ANK2: variants seen among roughly 807,000 people sequenced by gnomAD.
ANK2 encodes ankyrin-2.
ANK2 carries 83 observed loss-of-function variants against 360.5 expected under a neutral mutation model. The observed-to-expected ratio is 0.23, with a 90% CI of 0.19 to 0.28. The LOEUF is 0.28. ANK2 is among the 10% of genes least tolerant of loss of function. The pLI is 1.00. For synonymous variants in ANK2, 1,740 were observed against 1,759.5 expected (o/e 0.99, Z 0.28); for missense variants, 4,201 against 4,795.7 (o/e 0.88, Z 3.66).
chr4:113,356,258 G>T lies in ANK2; in HGVS notation c.7640G>T (p.Ser2547Ile). ...SPDTPSSEEV[S>I]YEVTPKTTDV... ...GACACCCCCAGCTCTGAAGAAGTCA[G>T]CTATGAGGTTACACCCAAAACCACA... The change falls in exon 38 of 46, where the codon AGC becomes ATC. Residue 2547 changes from serine to isoleucine, a missense_variant. Around this residue, in one of 4 missense-constraint regions of ANK2, gnomAD observed 2,642 missense variants for 2,714.5 expected, o/e 0.97. Coordinates refer to ENST00000357077, the MANE Select transcript of ANK2 (RefSeq NM_001148.6). The T allele has an allele frequency of 6.2e-7, 1 of 1,614,064 alleles. No individual in the cohort carries two copies. Among genetic ancestry groups the T allele is most frequent in the Non-Finnish European group, 8.5e-7 (1 of 1,179,978 alleles).
At chr4:113,049,627 T>C, upstream of ANK2, 18 of 796,496 alleles carry the variant, frequency 2.3e-5, no homozygotes, top group Non-Finnish European at 3.2e-5. Flanking sequence ...TCCCCACCCC[T>C]CCTCCTCCTC....
the ANK2 span, among the ~76,000 whole-genome samples, chr4:112,794,658 T>A: frequency 6.6e-6 from 1 of 152,338 alleles, no homozygotes; most frequent in East Asian, 1.9e-4. Flanking sequence ...AGGTACTGAA[T>A]GCAGAGATAA....
At chr4:112,817,787 T>C (rs2055807329), upstream of ANK2, among the ~76,000 whole-genome samples, 1 of 152,174 alleles carries the variant, frequency 6.6e-6, no homozygotes, top group South Asian at 2.1e-4. Context: ...ATTCCTCAGC[T>C]TCTCTGAACT....
intron 25 of ANK2, 115 bp downstream of exon 25, chr4:113,317,924 T>C: frequency 1.2e-6 from 1 of 867,700 alleles, no homozygotes; most frequent in Non-Finnish European, 1.9e-6. Flanking sequence ...CCCAATTCAG[T>C]TGAGAAGCTA....
At chr4:112,851,110 G>T (rs1302559891) in intron 1 of ANK2, among the ~76,000 whole-genome samples, 2 of 152,104 alleles carry the variant, frequency 1.3e-5, no homozygotes, top group African/African-American at 4.8e-5. Flanking sequence ...AGACCAAAAT[G>T]CTGTCTTCAT....
At chr4:112,848,500 G>A (rs2063861845) in intron 1 of ANK2, among the ~76,000 whole-genome samples, 1 of 152,250 alleles carries the variant, frequency 6.6e-6, no homozygotes, top group South Asian at 2.1e-4. Flanking sequence ...ATAAAGTACC[G>A]AGGCCATAGT....
intron 45 of ANK2, among the ~76,000 whole-genome samples, chr4:113,378,545 T>C (rs1265193033): frequency 2.6e-5 from 4 of 152,222 alleles, no homozygotes; most frequent in Non-Finnish European, 5.9e-5. Flanking sequence ...CAGATTAATT[T>C]TGTGACCAGC....
the ANK2 span, among the ~76,000 whole-genome samples, chr4:112,783,798 C>T: frequency 7.2e-5 from 11 of 151,962 alleles, no homozygotes; most frequent in South Asian, 1.7e-3. Flanking sequence ...TACAGACACC[C>T]GCCACCACGT....
intron 1 of ANK2, among the ~76,000 whole-genome samples, chr4:112,836,386 G>C (rs7665345): frequency 0.58 from 88,741 of 152,008 alleles, 26,841 homozygotes; most frequent in East Asian, 0.93. Context: ...TGTGAGAAAG[G>C]ACTAATAAAG....
chr4:113,269,934 T>C (rs566470878), intron 14 of ANK2, among the ~76,000 whole-genome samples: 1 of 152,376 alleles, frequency 6.6e-6, no homozygotes, highest in South Asian at 2.1e-4. Context: ...TTGGTTTTCA[T>C]CTGCCTTTCT....
intron 1 of ANK2, among the ~76,000 whole-genome samples, chr4:112,890,858 C>T (rs979338813): frequency 1.3e-5 from 2 of 152,128 alleles, no homozygotes; most frequent in East Asian, 1.9e-4. Context: ...TGAGCCACTA[C>T]GCCCGGCCTG....
At chr4:113,181,049 T>C (rs2153234282) in intron 2 of ANK2, among the ~76,000 whole-genome samples, 1 of 152,340 alleles carries the variant, frequency 6.6e-6, no homozygotes, top group East Asian at 1.9e-4. Flanking sequence ...AGTTTACTTG[T>C]TGATATTTGC....
intron 24 of ANK2, among the ~76,000 whole-genome samples, chr4:113,315,939 C>A (rs984909225): frequency 6.6e-6 from 1 of 151,052 alleles, no homozygotes; most frequent in African/African-American, 2.4e-5. Flanking sequence ...TGATCTCGTG[C>A]CACCTGGTAC....
At chr4:112,980,522 T>C (rs1399734123) in intron 2 of ANK2, 1 of 152,342 alleles carries the variant, frequency 6.6e-6, no homozygotes, top group African/African-American at 2.4e-5. Flanking sequence ...CCATCAACAA[T>C]AGATTGCTGT....
intron 2 of ANK2, among the ~76,000 whole-genome samples, chr4:112,984,308 T>C (rs1162245606): frequency 6.6e-6 from 1 of 151,988 alleles, no homozygotes; most frequent in Non-Finnish European, 1.5e-5. Flanking sequence ...AAAAGAAAGG[T>C]TTAATGGATT....
chr4:113,185,580 G>A (rs1357065051), intron 2 of ANK2, among the ~76,000 whole-genome samples: 1 of 151,980 alleles, frequency 6.6e-6, no homozygotes, highest in African/African-American at 2.4e-5. Context: ...TTGTAAATTT[G>A]TTTAAGTTTC....
chr4:112,757,393 C>T, the ANK2 span, among the ~76,000 whole-genome samples: 9 of 152,074 alleles, frequency 5.9e-5, no homozygotes, highest in Admixed American at 4.6e-4. Context: ...GGATTACAGG[C>T]GTGAGCCACT....
rs184814529 is a variant in ANK2 at position 113,058,747 on chromosome 4, A to T, written c.84+8935A>T. 2.6e-5 allele frequency among the ~76,000 whole-genome samples: 4 copies of T among 152,320 alleles called. No individual in the cohort carries two copies. In the East Asian group the frequency reaches 7.7e-4, roughly 29 times the overall value. ...AAAATGAAAATCAGGAAGGAAAGAA[A>T]TTAGAATAAGTATAGATACTTTCCA... On this transcript the variant is annotated intron_variant, in intron 1 of 45. Transcript: ENST00000357077.
chr4:112,751,018 T>A, the ANK2 span, among the ~76,000 whole-genome samples: 1 of 152,182 alleles, frequency 6.6e-6, no homozygotes, highest in South Asian at 2.1e-4. Context: ...TGTGCCACCA[T>A]GCTCGGCCTA....
Sources: gnomAD v4.1 joint callset for allele counts (sites outside exome capture counted in the v4.1 genomes callset) on GRCh38, gnomAD v4.1.1 for gene constraint, gnomAD v4.1.1 regional missense constraint, MANE v1.5 for transcripts, NCBI Gene and HGNC (gene_info 2026-07-23, HGNC 2026-07-21) for gene names.